SSBP2: variants seen among roughly 807,000 people sequenced by gnomAD.
The protein encoded by SSBP2 is single-stranded DNA-binding protein 2.
In SSBP2, 17 loss-of-function variants were observed where a neutral mutation model predicts 61.8. That is an observed-to-expected ratio of 0.28 (90% confidence interval 0.19 to 0.41). The LOEUF (loss-of-function observed/expected upper bound fraction) is 0.41. SSBP2 is among the 10% of genes least tolerant of loss of function. The pLI is 1.00. For missense variants in SSBP2, 310 were observed against 458.7 expected (o/e 0.68, Z 2.96); for synonymous variants, 139 against 141.3 (o/e 0.98, Z 0.12).
chr5:81,468,837 T>C (rs769861050), intron 8 of SSBP2, among the ~76,000 whole-genome samples: 16 of 152,128 alleles, frequency 1.1e-4, no homozygotes, highest in Middle Eastern at 3.4e-3. Context: ...TATGGGACAA[T>C]AGAATGATTT....
intron 4 of SSBP2, among the ~76,000 whole-genome samples, chr5:81,588,661 T>G (rs1010083675): frequency 6.6e-6 from 1 of 152,164 alleles, no homozygotes; most frequent in African/African-American, 2.4e-5. Flanking sequence ...GAGTGCTCAG[T>G]AAATACTTGT....
intron 8 of SSBP2, among the ~76,000 whole-genome samples, chr5:81,472,375 A>C (rs1489730247): frequency 6.6e-6 from 1 of 152,146 alleles, no homozygotes; most frequent in Non-Finnish European, 1.5e-5. Context: ...ACTTCTGGGA[A>C]ATTTTATAGA....
intron 4 of SSBP2, among the ~76,000 whole-genome samples, chr5:81,609,269 C>T (rs565822495): frequency 6.6e-6 from 1 of 152,312 alleles, no homozygotes; most frequent in Middle Eastern, 3.4e-3. Context: ...TTAAACAGCT[C>T]AGCTTAGTGT....
At chr5:81,473,896 C>A (rs1359584275) in intron 7 of SSBP2, 126 bp from the exon 8 acceptor site, 6 of 821,416 alleles carry the variant, frequency 7.3e-6, no homozygotes, top group Non-Finnish European at 1.2e-5. Flanking sequence ...CACCATCTTA[C>A]CTTGGCTTCC....
intron 4 of SSBP2, among the ~76,000 whole-genome samples, chr5:81,602,770 T>C (rs953713000): frequency 3.9e-5 from 6 of 152,188 alleles, no homozygotes; most frequent in African/African-American, 1.4e-4. Flanking sequence ...TTCTGCCTGG[T>C]AATCTCCTTT....
chr5:81,587,091 T>G (rs778088557), intron 4 of SSBP2, among the ~76,000 whole-genome samples: 1 of 151,870 alleles, frequency 6.6e-6, no homozygotes, highest in Non-Finnish European at 1.5e-5. Context: ...CCCTTTGTTC[T>G]TTTTTTTGCT....
intron 1 of SSBP2, among the ~76,000 whole-genome samples, chr5:81,709,408 TATA>T (rs1228637991): frequency 3.3e-5 from 5 of 152,026 alleles, no homozygotes; most frequent in Non-Finnish European, 5.9e-5. Context: ...CTTTCTCTTC[TATA>T]ATGTCATTAA....
At chr5:81,678,081 G>C (rs1383100785) in intron 1 of SSBP2, among the ~76,000 whole-genome samples, 3 of 152,174 alleles carry the variant, frequency 2.0e-5, no homozygotes, top group Non-Finnish European at 2.9e-5. Context: ...ACCAGGGTCT[G>C]ATATGGCAGG....
intron 5 of SSBP2, among the ~76,000 whole-genome samples, chr5:81,497,530 T>C (rs1056159636): frequency 6.6e-6 from 1 of 152,124 alleles, no homozygotes; most frequent in Admixed American, 6.6e-5. Flanking sequence ...TCCGTTGATG[T>C]GGTAAAGAGT....
chr5:81,462,855 T>C (rs1764633132), intron 9 of SSBP2, among the ~76,000 whole-genome samples: 1 of 152,140 alleles, frequency 6.6e-6, no homozygotes, highest in African/African-American at 2.4e-5. Flanking sequence ...TTATATATAA[T>C]AATGTTATGT....
intron 15 of SSBP2, among the ~76,000 whole-genome samples, chr5:81,436,454 T>C (rs923890716): frequency 6.6e-6 from 1 of 152,138 alleles, no homozygotes; most frequent in Non-Finnish European, 1.5e-5. Context: ...GTGGAGCTTG[T>C]GAGGCAAAGC....
intron 6 of SSBP2, among the ~76,000 whole-genome samples, chr5:81,487,621 T>C (rs913581603): frequency 6.6e-6 from 1 of 152,018 alleles, no homozygotes; most frequent in Non-Finnish European, 1.5e-5. Flanking sequence ...CTTTATTTTT[T>C]AAAAAATATT....
intron 3 of SSBP2, among the ~76,000 whole-genome samples, chr5:81,633,875 C>A (rs188507384): frequency 1.3e-5 from 2 of 152,360 alleles, no homozygotes; most frequent in East Asian, 3.9e-4. Flanking sequence ...GTTCAAGTAA[C>A]CATTCTCTAC....
chr5:81,695,528 T>A (rs1753541119), intron 1 of SSBP2, among the ~76,000 whole-genome samples: 1 of 129,550 alleles, frequency 7.7e-6, no homozygotes, highest in Non-Finnish European at 1.6e-5. Flanking sequence ...GGCCCCGGTG[T>A]GTGATGTTCC....
At chr5:81,463,698 G>C (rs1218732045) in intron 9 of SSBP2, among the ~76,000 whole-genome samples, 3 of 151,472 alleles carry the variant, frequency 2.0e-5, no homozygotes, top group East Asian at 3.9e-4. Context: ...TGCATTTTTT[G>C]GTAAGGAGGT....
rs573834319 is a variant in SSBP2, at chr5:81,420,226, T to C, written c.*278A>G. On this transcript the variant is annotated 3_prime_UTR_variant, in exon 17 of 17. Transcript: ENST00000320672. ...TGTATATGTCTGTATAACATACACA[T>C]ATACAGTACATTCTCTTTCCCACAC... is the stretch of plus-strand genomic sequence containing the variant. The C allele has an allele frequency of 1.3e-5, 6 of 459,052 alleles. No individual in the cohort carries two copies. The highest frequency in any genetic ancestry group is 2.3e-5 in the Non-Finnish European group (6 of 256,534). 28.4% of individuals were successfully genotyped at this position (459,052 alleles called of 1,614,324 possible).
chr5:81,734,636 A>G (rs778149613), intron 1 of SSBP2, among the ~76,000 whole-genome samples: 5 of 152,220 alleles, frequency 3.3e-5, no homozygotes, highest in Non-Finnish European at 5.9e-5. Context: ...ACCTTTATTG[A>G]AGATTTTTCA....
At chr5:81,598,016 TA>T (rs1364454910) in intron 4 of SSBP2, among the ~76,000 whole-genome samples, 1 of 150,618 alleles carries the variant, frequency 6.6e-6, no homozygotes, top group African/African-American at 2.4e-5. Flanking sequence ...ATAATAAAAT[TA>T]AAAAATAATA....
At chr5:81,566,079 GATA>G (rs1486967113) in intron 4 of SSBP2, among the ~76,000 whole-genome samples, 1 of 152,126 alleles carries the variant, frequency 6.6e-6, no homozygotes, top group Non-Finnish European at 1.5e-5. Flanking sequence ...TACAACAACT[GATA>G]ATAATTTGAG....
Sources: allele counts gnomAD v4.1 joint callset (sites outside exome capture counted in the v4.1 genomes callset), GRCh38; gene constraint gnomAD v4.1.1; transcripts MANE v1.5; gene names NCBI Gene and HGNC (gene_info 2026-07-23, HGNC 2026-07-21).